The following NINL variants were observed in gnomAD, a reference collection of about 807,000 sequenced individuals.
NINL encodes the protein ninein-like protein.
In NINL, 153 loss-of-function variants were observed where a neutral mutation model predicts 160.3. The observed-to-expected ratio is 0.95, with a 90% CI of 0.84 to 1.09. The LOEUF (loss-of-function observed/expected upper bound fraction) is 1.09. NINL is among the 50% of genes least tolerant of loss of function. The probability of loss-of-function intolerance (pLI) is 0.00; values close to 1 mark genes in which losing one functional copy is unlikely to be tolerated. For synonymous variants in NINL, 800 were observed against 734.8 expected, an observed-to-expected ratio of 1.09 and a Z score of -1.43; for missense variants, 1,829 against 1,764.0, an observed-to-expected ratio of 1.04 and a Z score of -0.66.
chr20:25,453,588 C>T lies in NINL; in HGVS notation c.4012G>A (p.Ala1338Thr). The change falls in exon 24 of 24, where the codon GCC becomes ACC. Residue 1338 changes from alanine to threonine, a missense_variant. Ala to Thr is a moderately conservative substitution (Grantham distance 58). Transcript: ENST00000278886. ...LLLKELYVEN[A>T]HLVRALQATE... The stretch of plus-strand genomic sequence containing the variant: ...GCCTGAAGTGCTCTCACCAGGTGGG[C>T]GTTCTCCACGTACAGCTCCTTCAGC... The T allele has an allele frequency of 6.2e-7, 1 of 1,613,914 alleles. No homozygotes were observed. Among genetic ancestry groups the T allele is most frequent in the Non-Finnish European group, 8.5e-7 (1 of 1,179,936 alleles).
At chr20:25,480,626 G>A (rs2146568338) in intron 14 of NINL, among the ~76,000 whole-genome samples, 1 of 152,318 alleles carries the variant, frequency 6.6e-6, no homozygotes, top group Non-Finnish European at 1.5e-5. Context: ...ATGCCCGGTG[G>A]TGCAGAGCTT....
At chr20:25,523,786 G>A (rs1397217049) in intron 2 of NINL, among the ~76,000 whole-genome samples, 6 of 148,732 alleles carry the variant, frequency 4.0e-5, no homozygotes, top group Admixed American at 3.3e-4. Flanking sequence ...GGGATTACAG[G>A]TGCGTGCCAC....
chr20:25,574,327 T>G (rs2065090334), intron 1 of NINL, among the ~76,000 whole-genome samples: 1 of 151,528 alleles, frequency 6.6e-6, no homozygotes, highest in African/African-American at 2.4e-5. Flanking sequence ...ATGGCATGGC[T>G]GGGCAAGGGC....
Position 25,476,844 on chromosome 20 carries a change from C to G in NINL, c.2447G>C (p.Arg816Pro), listed in dbSNP as rs766636534. 2 of 1,613,364 alleles carry G rather than the reference C, an allele frequency of 1.2e-6. No homozygotes were observed. The highest frequency in any genetic ancestry group is 1.7e-5 in the Admixed American group (1 of 60,016). ...TGCTTCCAGGGAGGGCCCGTCCACTCGCTTCCCGCGGGCAAGCTCCAACTC... is the reference window on the plus strand; with the variant it reads ...TGCTTCCAGGGAGGGCCCGTCCACTGGCTTCCCGCGGGCAAGCTCCAACTC... ...EEELELARGKRVDGPSLEAEM... is the reference protein window; with the variant it reads ...EEELELARGKPVDGPSLEAEM... The change falls in exon 17 of 24, where the codon CGA becomes CCA. Residue 816 changes from arginine (R) to proline (P), a missense_variant. By Grantham distance (103) the Arg-to-Pro change is moderately radical. Coordinates refer to ENST00000278886, the MANE Select transcript of NINL (RefSeq NM_025176.6).
chr20:25,489,443 C>T, intron 12 of NINL, 119 bp from the exon 13 acceptor site: 2 of 774,598 alleles, frequency 2.6e-6, no homozygotes. Flanking sequence ...CGCTGCATCT[C>T]CAGGTATAGC....
intron 10 of NINL, among the ~76,000 whole-genome samples, chr20:25,493,009 C>T (rs748780966): frequency 1.2e-4 from 18 of 152,146 alleles, no homozygotes; most frequent in Admixed American, 4.6e-4. Flanking sequence ...CTCAGGGCCA[C>T]GTGGGTTCTG....
chr20:25,520,153 G>A (rs150364688), intron 2 of NINL, among the ~76,000 whole-genome samples: 17 of 152,232 alleles, frequency 1.1e-4, no homozygotes, highest in African/African-American at 4.1e-4. Flanking sequence ...CATGATGAGG[G>A]ATAAGGGTGT....
At chr20:25,475,142 AG>A (rs2063200275) in intron 17 of NINL, among the ~76,000 whole-genome samples, 3 of 150,560 alleles carry the variant, frequency 2.0e-5, no homozygotes, top group Admixed American at 2.0e-4. Flanking sequence ...CCAGCTACTC[AG>A]GAGGCTGAGG....
intron 2 of NINL, among the ~76,000 whole-genome samples, chr20:25,519,120 G>T: frequency 7.1e-6 from 1 of 141,386 alleles, no homozygotes; most frequent in Admixed American, 7.0e-5. Context: ...AAAAAAGGAA[G>T]TTATATAGTC....
intron 17 of NINL, among the ~76,000 whole-genome samples, chr20:25,472,324 GATATATATATATATATATATATATATAT>G (rs56260321): frequency 1.5e-4 from 13 of 83,956 alleles, no homozygotes; most frequent in Admixed American, 6.5e-4. Flanking sequence ...GGGAGGAGAG[GATATATATATATATATATATATATATAT>G]ATATATATAT....
intron 2 of NINL, among the ~76,000 whole-genome samples, chr20:25,524,904 A>AATATATATATATATATATAT (rs35820142): frequency 6.9e-6 from 1 of 145,456 alleles, no homozygotes; most frequent in South Asian, 2.1e-4. Flanking sequence ...CTCAAATTAA[A>AATATATATATATATATATAT]ATATATATAT....
chr20:25,513,096 C>G (rs1232942029), intron 3 of NINL, 90 bp from the exon 4 acceptor site: 3 of 1,341,318 alleles, frequency 2.2e-6, no homozygotes, highest in East Asian at 2.3e-5. Context: ...AAGGTGCACA[C>G]TCAGCACCGA....
intron 1 of NINL, among the ~76,000 whole-genome samples, chr20:25,554,641 A>G (rs371740044): frequency 9.1e-6 from 1 of 110,464 alleles, no homozygotes; most frequent in South Asian, 2.4e-4. Context: ...AAAAACAAAA[A>G]AAAAAAAAAA....
chr20:25,485,597 T>C (rs2063490592), intron 13 of NINL, among the ~76,000 whole-genome samples: 1 of 152,248 alleles, frequency 6.6e-6, no homozygotes, highest in African/African-American at 2.4e-5. Context: ...TGTATTCATA[T>C]TTGGAGAGAG....
At position 25,491,442 on chromosome 20, in the gene NINL, G is replaced by C; in HGVS notation, c.1394C>G (p.Ala465Gly). The change falls in exon 11 of 24, where the codon GCC becomes GGC. Residue 465 changes from alanine (A) to glycine (G), a missense_variant. By Grantham distance (60) the Ala-to-Gly change is moderately conservative (BLOSUM62 0). Coordinates refer to ENST00000278886, the MANE Select transcript of NINL (RefSeq NM_025176.6). ...EAERELFWEQ[A>G]HRQRAALEWD... is the part of the protein sequence containing the mutation. ...CTCCAGCGCGGCCCTCTGCCTGTGGGCCTGCTCCCAGAACAGCTCTCGCTC... is the reference window on the plus strand; with the variant it reads ...CTCCAGCGCGGCCCTCTGCCTGTGGCCCTGCTCCCAGAACAGCTCTCGCTC... 3.1e-6 allele frequency: 5 copies of C among 1,613,896 alleles called. No homozygotes were observed. Among genetic ancestry groups the C allele is most frequent in the Non-Finnish European group, 3.4e-6 (4 of 1,180,014 alleles).
intron 15 of NINL, among the ~76,000 whole-genome samples, chr20:25,479,497 G>A (rs1247322041): frequency 6.6e-6 from 1 of 152,220 alleles, no homozygotes; most frequent in Admixed American, 6.5e-5. Flanking sequence ...GGGACGCAGA[G>A]GGTGGAATCT....
At chr20:25,483,104 G>T (rs1486317792) in intron 13 of NINL, among the ~76,000 whole-genome samples, 1 of 151,124 alleles carries the variant, frequency 6.6e-6, no homozygotes, top group Non-Finnish European at 1.5e-5. Context: ...GGAGGCTGAG[G>T]TGGGCAGATC....
rs373176436 is a variant in NINL, at chr20:25,517,781, T to C, written c.249A>G (p.Ser83=). 1.9e-6 allele frequency: 3 copies of C among 1,607,142 alleles called. No homozygotes were observed. Among genetic ancestry groups the C allele is most frequent in the Non-Finnish European group, 2.5e-6 (3 of 1,178,226 alleles). Residue 83 remains serine (S), a synonymous_variant, in exon 3 of 24, where the codon TCA becomes TCG. Coordinates refer to ENST00000278886, the MANE Select transcript of NINL (RefSeq NM_025176.6). Reference sequence around the variant, plus strand: ...ATTCCAAAGAACTACTGTCTTCATCTGAGGGGCGAACACCAGCATTTGAAG... The same window carrying C: ...ATTCCAAAGAACTACTGTCTTCATCCGAGGGGCGAACACCAGCATTTGAAG... The part of the protein sequence containing the change: ...VLSSNAGVRP[S]DEDSSSLESA...
intron 1 of NINL, among the ~76,000 whole-genome samples, chr20:25,535,162 G>A (rs943703909): frequency 6.6e-6 from 1 of 152,106 alleles, no homozygotes; most frequent in Admixed American, 6.5e-5. Context: ...AAATAAGGCC[G>A]GCATAGAGAG....
Sources: gnomAD v4.1 joint callset for allele counts (sites outside exome capture counted in the v4.1 genomes callset) on GRCh38, gnomAD v4.1.1 for gene constraint, MANE v1.5 for transcripts, NCBI Gene and HGNC (gene_info 2026-07-23, HGNC 2026-07-21) for gene names.